Variants in NDUFA10 observed in about 807,000 individuals in gnomAD.
The protein encoded by NDUFA10 is NADH:ubiquinone oxidoreductase subunit A10.
A neutral mutation model predicts 47.8 loss-of-function variants in NDUFA10; 40 were observed. The observed-to-expected ratio is 0.84, with a 90% CI of 0.65 to 1.09. NDUFA10 has a LOEUF of 1.09. Among genes scored for constraint, NDUFA10 ranks in the 50% least tolerant of loss-of-function variants. NDUFA10 has a pLI of 0.00. For missense variants in NDUFA10, 413 were observed against 451.1 expected (o/e 0.92, Z 0.76); for synonymous variants, 183 against 172.2 (o/e 1.06, Z -0.49).
rs900309146 is a variant in NDUFA10, at chr2:239,960,972, T to C, written c.*146A>G. 6.6e-5 allele frequency: 101 copies of C among 1,537,966 alleles called. No individual in the cohort carries two copies. The African/African-American group carries it at 9.6e-4, about 15-fold the overall frequency. ...TCCATTACCTATACTACAGGATGGA[T>C]TGCTTTTTGTGAGACCCCTTCTTCC... On this transcript the variant is annotated 3_prime_UTR_variant, in exon 10 of 10. Transcript: ENST00000252711.
intron 4 of NDUFA10, among the ~76,000 whole-genome samples, chr2:239,920,730 C>T (rs762638696): frequency 6.6e-5 from 10 of 152,136 alleles, no homozygotes; most frequent in African/African-American, 1.2e-4. Flanking sequence ...TGCGTGACGG[C>T]GATGGAGGCG....
At position 239,960,094 on chromosome 2, in the gene NDUFA10, AG is replaced by A. The variant is rs1694788934; in HGVS notation, c.*1023del. 1 of 984,788 alleles carries A rather than the reference AG, an allele frequency of 1.0e-6. No homozygotes were observed. Among genetic ancestry groups the A allele is most frequent in the Non-Finnish European group, 1.2e-6 (1 of 829,436 alleles). The allele number at this position is 984,788 out of a possible 1,614,324, so 61.0% of individuals were successfully genotyped here. On this transcript the variant is annotated 3_prime_UTR_variant, in exon 10 of 10. Coordinates refer to ENST00000252711, the MANE Select transcript of NDUFA10 (RefSeq NM_004544.4). Reference sequence around the variant, plus strand: ...TAAATTTCAATACCCACATGTGGCTAGGAGCTACCATATTGGACACAGTGGA... The same window carrying A: ...TAAATTTCAATACCCACATGTGGCTAGAGCTACCATATTGGACACAGTGGA...
rs1255357042 is a variant in NDUFA10, at chr2:240,024,681, C to T, written c.75+546G>A. ...GGTAGAAGGATCCCAAGATGTAAGG[C>T]AGAATGTGACAAAGCAATCCAACTG... is the stretch of plus-strand genomic sequence containing the variant. On this transcript the variant is annotated intron_variant, in intron 1 of 9. Transcript: ENST00000252711. 2.0e-5 allele frequency among the ~76,000 whole-genome samples: 3 copies of T among 152,322 alleles called. No individual in the cohort carries two copies. The East Asian group carries it at 5.8e-4, about 29-fold the overall frequency.
At chr2:239,929,167 C>T (rs955368846) in intron 4 of NDUFA10, among the ~76,000 whole-genome samples, 15 of 152,220 alleles carry the variant, frequency 9.9e-5, no homozygotes, top group Non-Finnish European at 1.8e-4. Flanking sequence ...GCCACCCAGG[C>T]GAGACGCTGC....
chr2:239,916,211 C>T (rs1693876449), intron 4 of NDUFA10, among the ~76,000 whole-genome samples: 1 of 151,168 alleles, frequency 6.6e-6, no homozygotes, highest in Admixed American at 6.6e-5. Flanking sequence ...CATACATACA[C>T]ACACAAATAT....
At chr2:239,979,489 T>C (rs1695681874) in intron 9 of NDUFA10, among the ~76,000 whole-genome samples, 1 of 152,166 alleles carries the variant, frequency 6.6e-6, no homozygotes, top group African/African-American at 2.4e-5. Flanking sequence ...TCTGCTGGAA[T>C]CCTTCAGCAA....
At position 239,939,283 on chromosome 2, in the gene NDUFA10, G is replaced by A. The variant is rs574464579; in HGVS notation, c.295-43969C>T. 2.0e-4 allele frequency among the ~76,000 whole-genome samples: 31 copies of A among 152,336 alleles called. No individual in the cohort carries two copies. In the East Asian group the frequency reaches 5.2e-3, roughly 26 times the overall value. On this transcript the variant is annotated intron_variant, in intron 4 of 5. Coordinates refer to the NDUFA10 transcript ENST00000419408. ...TGTCTTCTGGACACTTTCCAAAGAG[G>A]TGACTTATTCAAACCAGCCCCAGCA...
chr2:239,956,720 G>C (rs1488126548), downstream of NDUFA10, among the ~76,000 whole-genome samples: 1 of 152,222 alleles, frequency 6.6e-6, no homozygotes. Flanking sequence ...AAGCAGGGGA[G>C]AGTGTGGAGA....
chr2:239,994,518 T>A (rs998311493), intron 8 of NDUFA10, among the ~76,000 whole-genome samples: 5 of 151,988 alleles, frequency 3.3e-5, no homozygotes, highest in African/African-American at 1.2e-4. Context: ...TGATTTTACA[T>A]CATGGTGAGT....
intron 4 of NDUFA10, among the ~76,000 whole-genome samples, chr2:239,897,584 T>A (rs973171007): frequency 6.6e-6 from 1 of 152,198 alleles, no homozygotes; most frequent in Non-Finnish European, 1.5e-5. Context: ...TTGAAAAGCA[T>A]CCATACTTGA....
At chr2:239,915,283 TACAGAC>T (rs1396872720) in intron 4 of NDUFA10, among the ~76,000 whole-genome samples, 6 of 137,194 alleles carry the variant, frequency 4.4e-5, no homozygotes, top group African/African-American at 1.1e-4. Context: ...CACACAAATA[TACAGAC>T]ACAGACAGAG....
chr2:239,908,270 A>G (rs1224651032), intron 4 of NDUFA10, among the ~76,000 whole-genome samples: 1 of 152,150 alleles, frequency 6.6e-6, no homozygotes, highest in African/African-American at 2.4e-5. Context: ...GAGGGGAGGG[A>G]TAGCATTAGG....
chr2:239,980,154 G>A (rs1479824064), intron 9 of NDUFA10, among the ~76,000 whole-genome samples: 2 of 152,142 alleles, frequency 1.3e-5, no homozygotes, highest in African/African-American at 2.4e-5. Context: ...CCCACTAGGA[G>A]GTGAGCTGCA....
chr2:239,946,935 C>T (rs762662384), intron 4 of NDUFA10, among the ~76,000 whole-genome samples: 6 of 152,242 alleles, frequency 3.9e-5, no homozygotes, highest in African/African-American at 9.6e-5. Context: ...GATAAGGCCA[C>T]GGCCTCACAG....
In NDUFA10 at chr2:239,960,352, G is replaced by A; in HGVS notation, c.*766C>T. ...TCTTTCTCATTTCTCAGTTTTGACT[G>A]GCAACTTGATTTTCTGGGTAATAAA... On this transcript the variant is annotated 3_prime_UTR_variant, in exon 10 of 10. Coordinates refer to ENST00000252711, the MANE Select transcript of NDUFA10 (RefSeq NM_004544.4). The A allele has an allele frequency of 1.0e-6, 1 of 985,508 alleles. No homozygotes were observed. Among genetic ancestry groups the A allele is most frequent in the Non-Finnish European group, 1.2e-6 (1 of 830,004 alleles). 61.0% of individuals were successfully genotyped at this position (985,508 alleles called of 1,614,324 possible). A position where few individuals can be genotyped will look rare whatever the true frequency, so the allele number is the denominator to read the frequency against.
downstream of NDUFA10, among the ~76,000 whole-genome samples, chr2:239,956,419 G>T (rs776959103): frequency 2.0e-5 from 3 of 152,176 alleles, no homozygotes; most frequent in Admixed American, 1.3e-4. Context: ...AGCACGTGGG[G>T]TCCTACCCGC....
intron 4 of NDUFA10, chr2:239,895,349 T>C (rs1185181407): frequency 2.3e-6 from 1 of 437,936 alleles, no homozygotes; most frequent in Non-Finnish European, 4.8e-6. Flanking sequence ...ACAGAGCATA[T>C]GAGTGAGGAG....
At chr2:239,895,777 A>G (rs1039188233) in intron 4 of NDUFA10, among the ~76,000 whole-genome samples, 1 of 152,238 alleles carries the variant, frequency 6.6e-6, no homozygotes, top group African/African-American at 2.4e-5. Flanking sequence ...TTACCTTAAC[A>G]GTGGAAGTGC....
intron 4 of NDUFA10, among the ~76,000 whole-genome samples, chr2:239,910,695 G>A (rs577007765): frequency 1.6e-4 from 24 of 152,002 alleles, no homozygotes; most frequent in Non-Finnish European, 2.6e-4. Context: ...CACACGCCCC[G>A]CACCTGTACC....
Sources: gnomAD v4.1 joint callset for allele counts (sites outside exome capture counted in the v4.1 genomes callset) on GRCh38, gnomAD v4.1.1 for gene constraint, MANE v1.5 for transcripts, NCBI Gene and HGNC (gene_info 2026-07-23, HGNC 2026-07-21) for gene names.